The following MS4A6A variants were observed in gnomAD, a reference collection of about 807,000 sequenced individuals.
MS4A6A encodes the protein membrane-spanning 4-domains subfamily A member 6A.
A neutral mutation model predicts 20.6 loss-of-function variants in MS4A6A; 19 were observed. The observed-to-expected ratio is 0.92, with a 90% CI of 0.64 to 1.36. The LOEUF (loss-of-function observed/expected upper bound fraction) is 1.36. Ranked by LOEUF, MS4A6A falls within the 40% of genes most tolerant of loss-of-function variation. The probability of loss-of-function intolerance (pLI) is 0.00; values close to 1 mark genes in which losing one functional copy is unlikely to be tolerated. For missense variants in MS4A6A, 272 were observed against 261.1 expected (o/e 1.04, Z -0.29); for synonymous variants, 108 against 105.0 (o/e 1.03, Z -0.17).
rs1288808955 is a variant in MS4A6A at position 60,179,885 on chromosome 11, G to C, written c.228C>G (p.Thr76=). 4 of 1,613,852 alleles carry C rather than the reference G, an allele frequency of 2.5e-6. No homozygotes were observed. Among genetic ancestry groups the C allele is most frequent in the Non-Finnish European group, 3.4e-6 (4 of 1,179,996 alleles). ...AGTTCAACAGTGTAGAAGTCACTTGGGTAAAATTTGGAGAGAAGGAAGCAG... is the reference window on the plus strand; with the variant it reads ...AGTTCAACAGTGTAGAAGTCACTTGCGTAAAATTTGGAGAGAAGGAAGCAG... ...LASASFSPNF[T]QVTSTLLNSA... is the part of the protein sequence containing the mutation. The change falls in exon 3 of 6, where the codon ACC becomes ACG. Residue 76 remains threonine, a synonymous_variant. Transcript: ENST00000528851.
chr11:60,181,046 T>G (rs1472472109), intron 2 of MS4A6A: 1 of 453,830 alleles, frequency 2.2e-6, no homozygotes, highest in Non-Finnish European at 4.4e-6. Context: ...CCAAGATAGA[T>G]CCCTTCTTTC....
chr11:60,179,436 G>A (rs1003238036), intron 3 of MS4A6A: 2 of 509,868 alleles, frequency 3.9e-6, no homozygotes, highest in African/African-American at 1.9e-5. Flanking sequence ...CACAAGCATG[G>A]GGGGGATAAC....
At position 60,173,001 on chromosome 11, in the gene MS4A6A, T is replaced by C. The variant is rs1856656742; in HGVS notation, c.678A>G (p.Ter226=). Reference sequence around the variant, plus strand: ...CAGGGATAAGATACACTAGGCAAGGTTAAGTGAAGCCGGCCAGCACACTCA... The same window carrying C: ...CAGGGATAAGATACACTAGGCAAGGCTAAGTGAAGCCGGCCAGCACACTCA... The part of the protein sequence containing the change: ...PGVSVLAGFT[*] Residue 226 remains the stop codon, a stop_retained_variant, in exon 6 of 6, where the codon TAA becomes TAG. Transcript: ENST00000528851. 1 of 1,613,960 alleles carries C rather than the reference T, an allele frequency of 6.2e-7. No individual in the cohort carries two copies. Among genetic ancestry groups the C allele is most frequent in the Non-Finnish European group, 8.5e-7 (1 of 1,179,876 alleles).
At chr11:60,178,919 T>C (rs1473830699) in intron 3 of MS4A6A, 2 of 381,502 alleles carry the variant, frequency 5.2e-6, no homozygotes, top group South Asian at 2.0e-5. Flanking sequence ...ATCAAAGTTC[T>C]CAAGGAAAAG....
chr11:60,181,546 CA>C, intron 2 of MS4A6A, 34 bp downstream of exon 2: 1 of 1,612,430 alleles, frequency 6.2e-7, no homozygotes, highest in Non-Finnish European at 8.5e-7. Flanking sequence ...GCACTTCCCC[CA>C]ACCCCTCTCC....
At chr11:60,178,339 C>T (rs886064941) in intron 3 of MS4A6A, 23 bp from the exon 4 acceptor site, 1 of 1,606,634 alleles carries the variant, frequency 6.2e-7, no homozygotes, top group Non-Finnish European at 8.5e-7. Flanking sequence ...AGAAAATGGT[C>T]AGGTCAGATT....
chr11:60,174,338 T>G (rs1192456016), intron 5 of MS4A6A, among the ~76,000 whole-genome samples: 1 of 151,698 alleles, frequency 6.6e-6, no homozygotes, highest in East Asian at 1.9e-4. Context: ...TTTTTTTTTT[T>G]TTTGAGACGG....
Position 60,173,106 on chromosome 11 carries a change from A to C in MS4A6A, c.573T>G (p.Ile191Met). The change falls in exon 6 of 6, where the codon ATT (isoleucine) becomes ATG (methionine). Residue 191 changes from isoleucine to methionine, a missense_variant. Physicochemically the swap from Ile to Met is conservative, Grantham distance 10 (BLOSUM62 1). Transcript: ENST00000528851. ...SLAGTLSLML[I>M]CTLLEFCLAV... ...CTAGGCAGAATTCCAGCAGAGTGCA[A>C]ATCAGCATCAGAGAGAGAGTTCCCT... 6.2e-7 allele frequency: 1 copy of C among 1,614,016 alleles called. No individual in the cohort carries two copies. The highest frequency in any genetic ancestry group is 8.5e-7 in the Non-Finnish European group (1 of 1,179,908).
upstream of MS4A6A, chr11:60,183,284 G>C: frequency 9.6e-7 from 1 of 1,037,502 alleles, no homozygotes; most frequent in African/African-American, 1.6e-5. Flanking sequence ...AGACATACAA[G>C]TTTCCTGTTG....
At chr11:60,181,318 A>G (rs1276927347) in intron 2 of MS4A6A, 5 of 501,262 alleles carry the variant, frequency 1.0e-5, no homozygotes, top group African/African-American at 1.9e-5. Flanking sequence ...AAAAGAAAAT[A>G]TAGAAAAGCA....
rs964845928 is a variant in MS4A6A at position 60,172,512 on chromosome 11, C to T, written c.*489G>A. On this transcript the variant is annotated 3_prime_UTR_variant, in exon 6 of 6. Transcript: ENST00000528851. ...TCCATAGGGGTTTGATTCAACAATA[C>T]ATTTTTAATATAGCTTTAAAAAGGC... 7 of 1,185,078 alleles carry T rather than the reference C, an allele frequency of 5.9e-6. No individual in the cohort carries two copies. Among genetic ancestry groups the T allele is most frequent in the Non-Finnish European group, 7.3e-6 (7 of 955,636 alleles). The allele number at this position is 1,185,078 out of a possible 1,614,324, so 73.4% of individuals were successfully genotyped here.
downstream of MS4A6A, chr11:60,171,998 G>T: frequency 1.5e-6 from 1 of 649,554 alleles, no homozygotes; most frequent in Non-Finnish European, 2.4e-6. Context: ...GATCCCCAAT[G>T]AACACATATC....
intron 5 of MS4A6A, 108 bp from the exon 6 acceptor site, chr11:60,173,237 G>A: frequency 2.1e-6 from 2 of 945,134 alleles, no homozygotes; most frequent in South Asian, 2.8e-5. Context: ...ATTAGAGAAT[G>A]AAGAAAGGAC....
chr11:60,171,765 C>T (rs1317556466), downstream of MS4A6A, among the ~76,000 whole-genome samples: 1 of 152,174 alleles, frequency 6.6e-6, no homozygotes, highest in African/African-American at 2.4e-5. Flanking sequence ...CAGTTAACTC[C>T]TGTTGACAAT....
intron 4 of MS4A6A, among the ~76,000 whole-genome samples, chr11:60,176,050 T>C (rs186066156): frequency 2.2e-4 from 34 of 152,354 alleles, no homozygotes; most frequent in African/African-American, 7.7e-4. Flanking sequence ...ATTAGCATGG[T>C]GCAAAAGTAA....
chr11:60,172,553 T>A lies in MS4A6A; in HGVS notation c.*448A>T, dbSNP rs1856632608. 8.9e-7 allele frequency: 1 copy of A among 1,128,180 alleles called. No individual in the cohort carries two copies. Among genetic ancestry groups the A allele is most frequent in the Non-Finnish European group, 1.1e-6 (1 of 918,884 alleles). 69.9% of individuals were successfully genotyped at this position (1,128,180 alleles called of 1,614,324 possible). A position where few individuals can be genotyped will look rare whatever the true frequency, so the allele number is the denominator to read the frequency against. ...TTAAAAAGGCAAACGAATTTTAAGA[T>A]CACCAGGGGCAAATGCAGAGCATAA... On this transcript the variant is annotated 3_prime_UTR_variant, in exon 6 of 6. Coordinates refer to ENST00000528851, the MANE Select transcript of MS4A6A (RefSeq NM_022349.4).
chr11:60,183,529 G>T (rs895564607), upstream of MS4A6A, among the ~76,000 whole-genome samples: 1 of 152,046 alleles, frequency 6.6e-6, no homozygotes, highest in Non-Finnish European at 1.5e-5. Context: ...TAGCAATAAT[G>T]ACTACACTGC....
At chr11:60,179,031 C>T (rs1856992767) in intron 3 of MS4A6A, among the ~76,000 whole-genome samples, 1 of 152,036 alleles carries the variant, frequency 6.6e-6, no homozygotes, top group African/African-American at 2.4e-5. Flanking sequence ...AGAAAAAGGT[C>T]ATTTGGGGAA....
rs1304115347 is a variant in MS4A6A, at chr11:60,181,604, G to A, written c.124C>T (p.His42Tyr). The A allele has an allele frequency of 5.6e-6, 9 of 1,613,970 alleles. No homozygotes were observed. The East Asian group carries it at 8.9e-5, about 16-fold the overall frequency. ...ACCCCAATAACTTTGATTTCTGCGT[G>A]TAGATGTTTCTTCAGGCTATCCTGC... Reference protein sequence around the residue: ...QGQDSLKKHLHAEIKVIGTIQ... With the variant: ...QGQDSLKKHLYAEIKVIGTIQ... Residue 42 changes from histidine to tyrosine, a missense_variant, in exon 2 of 6, where the codon CAC becomes TAC. His to Tyr is a moderately conservative substitution (Grantham distance 83, BLOSUM62 2). Coordinates refer to ENST00000528851, the MANE Select transcript of MS4A6A (RefSeq NM_022349.4).
Sources: allele counts gnomAD v4.1 joint callset (sites outside exome capture counted in the v4.1 genomes callset), GRCh38; gene constraint gnomAD v4.1.1; transcripts MANE v1.5; gene names NCBI Gene and HGNC (gene_info 2026-07-23, HGNC 2026-07-21).